NALCN: variants seen among roughly 807,000 people sequenced by gnomAD.
NALCN encodes the protein sodium leak channel NALCN.
In NALCN, 111 loss-of-function variants were observed where a neutral mutation model predicts 225.3. The observed-to-expected ratio is 0.49, with a 90% confidence interval of 0.42 to 0.58. NALCN has a LOEUF of 0.58. Ranked by LOEUF, NALCN falls within the 20% of genes least tolerant of loss-of-function variation. The pLI, the probability that NALCN is intolerant of heterozygous loss-of-function variation, is 0.00. For synonymous variants in NALCN, 764 were observed against 769.0 expected (o/e 0.99, Z 0.11); for missense variants, 1,378 against 2,202.4 (o/e 0.63, Z 7.49).
intron 30 of NALCN, among the ~76,000 whole-genome samples, chr13:101,084,984 T>C (rs2033860149): frequency 6.6e-6 from 1 of 152,192 alleles, no homozygotes; most frequent in South Asian, 2.1e-4. Flanking sequence ...CCAGACATTG[T>C]AATCTGACCA....
chr13:101,173,270 A>G (rs537127908), intron 15 of NALCN, among the ~76,000 whole-genome samples: 2 of 152,236 alleles, frequency 1.3e-5, no homozygotes, highest in Non-Finnish European at 2.9e-5. Context: ...CTACAACATC[A>G]TTATTTATAA....
chr13:101,372,427 C>T (rs773776494), intron 6 of NALCN, among the ~76,000 whole-genome samples: 6 of 152,142 alleles, frequency 3.9e-5, no homozygotes, highest in Non-Finnish European at 7.4e-5. Flanking sequence ...GGAATTTTCA[C>T]CAATTCAGAC....
chr13:101,094,165 A>G (rs2034380951), intron 28 of NALCN, among the ~76,000 whole-genome samples: 1 of 152,174 alleles, frequency 6.6e-6, no homozygotes, highest in African/African-American at 2.4e-5. Flanking sequence ...CCCAGCACAA[A>G]GCCCTTTGCC....
At chr13:101,330,742 G>A (rs2045137603) in intron 7 of NALCN, among the ~76,000 whole-genome samples, 1 of 152,130 alleles carries the variant, frequency 6.6e-6, no homozygotes, top group Admixed American at 6.5e-5. Flanking sequence ...GGATTCAGTG[G>A]GAGGTAATTG....
chr13:101,157,121 T>C (rs998267306), intron 15 of NALCN, among the ~76,000 whole-genome samples: 3 of 152,164 alleles, frequency 2.0e-5, no homozygotes, highest in African/African-American at 7.2e-5. Flanking sequence ...TGTTAATACC[T>C]GAGTACAAGT....
rs537377460 is a variant in NALCN, at chr13:101,237,937, A to T, written c.1267-15T>A. 6.3e-7 allele frequency: 1 copy of T among 1,580,538 alleles called. No individual in the cohort carries two copies. The highest frequency in any genetic ancestry group is 1.2e-5 in the South Asian group (1 of 84,918). ...GTAAAAGCCACCTAGAGAAACAAAGAAACATTGAAATTGAAATTCAGAACT... is the reference window on the plus strand; with the variant it reads ...GTAAAAGCCACCTAGAGAAACAAAGTAACATTGAAATTGAAATTCAGAACT... On this transcript the variant is annotated splice_polypyrimidine_tract_variant and intron_variant, in intron 11 of 43. Transcript: ENST00000251127.
chr13:101,210,159 A>G (rs758378137), intron 13 of NALCN, among the ~76,000 whole-genome samples: 7 of 152,104 alleles, frequency 4.6e-5, no homozygotes, highest in Non-Finnish European at 8.8e-5. Context: ...CCATTTGCTT[A>G]GAGGGGGTCC....
chr13:101,143,379 C>T (rs1005561064), intron 16 of NALCN, among the ~76,000 whole-genome samples, 158 bp from the exon 17 acceptor site: 1 of 152,128 alleles, frequency 6.6e-6, no homozygotes, highest in Non-Finnish European at 1.5e-5. Flanking sequence ...CAACAGCTTC[C>T]TGAAACTCAG....
In NALCN at chr13:101,233,682, T is replaced by A. The variant is rs75434951; in HGVS notation, c.1434+4073A>T. Among the ~76,000 whole-genome samples, 1,277 of 152,218 alleles carry A rather than the reference T, an allele frequency of 8.4e-3. 44 individuals carry two copies. In the East Asian group the frequency reaches 0.1, roughly 12 times the overall value. On this transcript the variant is annotated intron_variant, in intron 12 of 43. Transcript: ENST00000251127. ...CCATCATCTGCTAGGTATGCGGTCTTGGGCAAGTCAACAGATTTCTTGAGA... is the reference window on the plus strand; with the variant it reads ...CCATCATCTGCTAGGTATGCGGTCTAGGGCAAGTCAACAGATTTCTTGAGA...
intron 34 of NALCN, among the ~76,000 whole-genome samples, chr13:101,077,909 C>T (rs2033365109): frequency 6.6e-6 from 1 of 152,218 alleles, no homozygotes; most frequent in Non-Finnish European, 1.5e-5. Context: ...CCCAGGCTCC[C>T]TCTGCTCTAT....
chr13:101,261,818 C>A (rs573488967), intron 10 of NALCN, among the ~76,000 whole-genome samples: 1 of 152,230 alleles, frequency 6.6e-6, no homozygotes, highest in East Asian at 1.9e-4. Context: ...TCTTCCGTTC[C>A]AATTTGGATG....
At chr13:101,136,283 C>T (rs903284079) in intron 17 of NALCN, among the ~76,000 whole-genome samples, 22 of 131,154 alleles carry the variant, frequency 1.7e-4, no homozygotes, top group Admixed American at 2.4e-4. Context: ...TTTTATAGTA[C>T]GCATCGTTTT....
Position 101,292,708 on chromosome 13 carries a change from G to A in NALCN, c.800-342C>T, listed in dbSNP as rs1484798527. ...AAAAGGATATGTACCATTTAAGCTTGCCACTTGGAGCCTAACACATTCAAT... is the reference window on the plus strand; with the variant it reads ...AAAAGGATATGTACCATTTAAGCTTACCACTTGGAGCCTAACACATTCAAT... On this transcript the variant is annotated intron_variant, in intron 7 of 43. Transcript: ENST00000251127. This position sits in a 1 kb window ranked among gnomAD's most constrained non-coding sequence, Gnocchi z 4.3. 3.3e-5 allele frequency among the ~76,000 whole-genome samples: 5 copies of A among 152,294 alleles called. No homozygotes were observed. Among genetic ancestry groups the A allele is most frequent in the African/African-American group, 4.8e-5 (2 of 41,568 alleles).
At chr13:101,322,497 A>G (rs962738980) in intron 7 of NALCN, among the ~76,000 whole-genome samples, 1 of 152,176 alleles carries the variant, frequency 6.6e-6, no homozygotes, top group African/African-American at 2.4e-5. Flanking sequence ...TTAATTCAAT[A>G]TTTTTAAACA....
At chr13:101,413,593 C>A (rs977241425) in intron 1 of NALCN, among the ~76,000 whole-genome samples, 1 of 151,996 alleles carries the variant, frequency 6.6e-6, no homozygotes, top group African/African-American at 2.4e-5. Flanking sequence ...TCCAATGCCA[C>A]GATGACAACT....
chr13:101,119,531 T>A (rs908569258), intron 18 of NALCN, among the ~76,000 whole-genome samples: 3 of 152,202 alleles, frequency 2.0e-5, no homozygotes, highest in Non-Finnish European at 4.4e-5. Flanking sequence ...TAATGTAAAA[T>A]GTTTAATTGT....
chr13:101,274,589 T>G lies in NALCN; in HGVS notation c.1134+9344A>C, dbSNP rs182271172. On this transcript the variant is annotated intron_variant, in intron 10 of 43. Transcript: ENST00000251127. The stretch of plus-strand genomic sequence containing the variant: ...TATTTCTGACAGACACATAGGTATT[T>G]TTTATCTGTGTTTCTAAATTATTTC... Among the ~76,000 whole-genome samples, 566 of 152,350 alleles carry G rather than the reference T, an allele frequency of 3.7e-3. 2 individuals carry two copies. Among genetic ancestry groups the G allele is most frequent in the African/African-American group, 0.013 (539 of 41,588 alleles).
intron 17 of NALCN, among the ~76,000 whole-genome samples, chr13:101,134,026 C>T (rs556699214): frequency 1.3e-5 from 2 of 151,968 alleles, no homozygotes; most frequent in South Asian, 2.1e-4. Context: ...AAAAATAAGC[C>T]GGGCATGGTG....
chr13:101,397,065 ATTATATATATATATAT>A, intron 2 of NALCN, among the ~76,000 whole-genome samples: 1 of 68,568 alleles, frequency 1.5e-5, no homozygotes, highest in African/African-American at 5.9e-5. Context: ...CTATGAATGT[ATTATATATATATATAT>A]ATATATATAT....
Sources: allele counts gnomAD v4.1 joint callset (sites outside exome capture counted in the v4.1 genomes callset), GRCh38; gene constraint gnomAD v4.1.1; non-coding constraint Gnocchi (gnomAD v3.1); transcripts MANE v1.5; gene names NCBI Gene and HGNC (gene_info 2026-07-23, HGNC 2026-07-21).